Variants in PITPNC1 observed in about 807,000 individuals in gnomAD.
PITPNC1 encodes the protein cytoplasmic phosphatidylinositol transfer protein 1.
PITPNC1 carries 18 observed loss-of-function variants against 44.7 expected under a neutral mutation model. The observed-to-expected ratio is 0.40, with a 90% CI of 0.28 to 0.60. The LOEUF is 0.60. Ranked by LOEUF, PITPNC1 falls within the 20% of genes least tolerant of loss-of-function variation. The pLI is 0.39. For missense variants in PITPNC1, 290 were observed against 418.4 expected, an observed-to-expected ratio of 0.69 and a Z score of 2.68; for synonymous variants, 141 against 149.6, an observed-to-expected ratio of 0.94 and a Z score of 0.42.
At chr17:67,390,680 A>T (rs749356504) in intron 1 of PITPNC1, among the ~76,000 whole-genome samples, 12 of 152,294 alleles carry the variant, frequency 7.9e-5, no homozygotes, top group Non-Finnish European at 1.8e-4. Context: ...CTAGGATGGC[A>T]AAATCACACC....
intron 1 of PITPNC1, among the ~76,000 whole-genome samples, chr17:67,401,400 C>G (rs1216705937): frequency 6.6e-6 from 1 of 152,120 alleles, no homozygotes; most frequent in Non-Finnish European, 1.5e-5. Flanking sequence ...TTTGGTAATA[C>G]AACCTCTATG....
At chr17:67,572,978 C>G (rs1246174292) in intron 4 of PITPNC1, among the ~76,000 whole-genome samples, 2 of 152,206 alleles carry the variant, frequency 1.3e-5, no homozygotes. Flanking sequence ...GACAGATTCT[C>G]TCCCAGAGTC....
rs184238442 is a variant in PITPNC1, at chr17:67,387,121, C to A, written c.48+8919C>A. Among the ~76,000 whole-genome samples the A allele has an allele frequency of 2.1e-3, 321 of 152,336 alleles. 1 individual carries two copies. Among genetic ancestry groups the A allele is most frequent in the African/African-American group, 7.5e-3 (310 of 41,568 alleles). On this transcript the variant is annotated intron_variant, in intron 1 of 8. Coordinates refer to ENST00000581322, the MANE Select transcript of PITPNC1 (RefSeq NM_012417.4). ...ATTTACAAATAACATCCAAATCATT[C>A]AAACGAACAGCGTCGCAGGGCTGCA...
At chr17:67,413,725 C>A (rs571837677) in intron 1 of PITPNC1, among the ~76,000 whole-genome samples, 12 of 152,260 alleles carry the variant, frequency 7.9e-5, no homozygotes, top group African/African-American at 2.9e-4. Flanking sequence ...CTGGCTATGA[C>A]CTGGTTCCAG....
intron 2 of PITPNC1, among the ~76,000 whole-genome samples, chr17:67,535,057 G>A (rs796468411): frequency 3.7e-4 from 57 of 152,358 alleles, no homozygotes; most frequent in African/African-American, 1.4e-3. Flanking sequence ...GGCATGAGCT[G>A]ATTAAACTGA....
At chr17:67,518,627 G>C (rs559148298) in intron 1 of PITPNC1, among the ~76,000 whole-genome samples, 2 of 152,130 alleles carry the variant, frequency 1.3e-5, no homozygotes, top group East Asian at 1.9e-4. Context: ...ACACCTGTTA[G>C]GATGGTGGTT....
chr17:67,651,687 A>G (rs749764533), intron 6 of PITPNC1, among the ~76,000 whole-genome samples: 1 of 152,032 alleles, frequency 6.6e-6, no homozygotes, highest in Non-Finnish European at 1.5e-5. Flanking sequence ...TTTAGCTATC[A>G]TCTCCCTACC....
intron 1 of PITPNC1, among the ~76,000 whole-genome samples, chr17:67,459,123 T>C (rs1427160936): frequency 4.1e-5 from 6 of 145,722 alleles, no homozygotes; most frequent in Non-Finnish European, 9.1e-5. Flanking sequence ...CTTTTTTTTT[T>C]TTTTTTTTTT....
At chr17:67,641,822 T>G (rs1050271515) in intron 6 of PITPNC1, among the ~76,000 whole-genome samples, 1 of 147,368 alleles carries the variant, frequency 6.8e-6, no homozygotes, top group East Asian at 2.0e-4. Context: ...ATAATAATAA[T>G]AAGCGAGTGT....
rs192994864 is a variant in PITPNC1 at position 67,430,160 on chromosome 17, T to C, written c.48+51958T>C. Among the ~76,000 whole-genome samples the C allele has an allele frequency of 3.0e-3, 458 of 152,352 alleles. 1 individual carries two copies. Among genetic ancestry groups the C allele is most frequent in the South Asian group, 6.8e-3 (33 of 4,828 alleles). On this transcript the variant is annotated intron_variant, in intron 1 of 8. Coordinates refer to ENST00000581322, the MANE Select transcript of PITPNC1 (RefSeq NM_012417.4). ...TGAATGCGCAGGAGTTTATAGATGG[T>C]AACGTCTTTTCTCTGGATCATTAAT...
chr17:67,692,723 C>T lies in PITPNC1; in HGVS notation c.834C>T (p.Thr278=), dbSNP rs1301711408. 2 of 1,613,712 alleles carry T rather than the reference C, an allele frequency of 1.2e-6. No homozygotes were observed. Among genetic ancestry groups the T allele is most frequent in the African/African-American group, 2.7e-5 (2 of 74,864 alleles). ...GTGCGCCTTCTAGTGCTCCATCCAC[C>T]CCTCTCTCCACAGACGCACCCGAAT... ...VRSAPSSAPS[T]PLSTDAPEFL... The change falls in exon 9 of 9, where the codon ACC becomes ACT. Residue 278 remains threonine, a synonymous_variant. Transcript: ENST00000581322.
At chr17:67,501,257 G>A (rs2040025945) in intron 1 of PITPNC1, among the ~76,000 whole-genome samples, 2 of 151,972 alleles carry the variant, frequency 1.3e-5, no homozygotes, top group Non-Finnish European at 2.9e-5. Flanking sequence ...TATTCCTTTT[G>A]TGTTATCCTG....
intron 6 of PITPNC1, among the ~76,000 whole-genome samples, chr17:67,660,915 G>T (rs1195585230): frequency 6.7e-6 from 1 of 149,836 alleles, no homozygotes; most frequent in Non-Finnish European, 1.5e-5. Flanking sequence ...CTGGAGTGCA[G>T]TGATGCGATC....
chr17:67,617,369 A>G (rs1033845269), intron 5 of PITPNC1, among the ~76,000 whole-genome samples: 2 of 152,188 alleles, frequency 1.3e-5, no homozygotes, highest in African/African-American at 4.8e-5. Flanking sequence ...AGCCAGGCAT[A>G]GTGGTGCACA....
chr17:67,558,032 C>T (rs1025382538), intron 4 of PITPNC1, among the ~76,000 whole-genome samples: 2 of 152,130 alleles, frequency 1.3e-5, no homozygotes, highest in Non-Finnish European at 2.9e-5. Context: ...GTCCAGAGCA[C>T]GAGGATGTCT....
At chr17:67,527,419 A>C (rs190601253) in intron 1 of PITPNC1, among the ~76,000 whole-genome samples, 43 of 152,298 alleles carry the variant, frequency 2.8e-4, no homozygotes, top group African/African-American at 8.2e-4. Context: ...GAATGAACAT[A>C]GGCGGCCGGG....
intron 1 of PITPNC1, among the ~76,000 whole-genome samples, chr17:67,488,800 T>C (rs2039820822): frequency 6.6e-6 from 1 of 152,220 alleles, no homozygotes; most frequent in Non-Finnish European, 1.5e-5. Context: ...GTCCCTGAGT[T>C]TGACTACTCT....
At chr17:67,599,030 ATATATTTTT>A (rs1298340187) in intron 5 of PITPNC1, among the ~76,000 whole-genome samples, 95 of 30,140 alleles carry the variant, frequency 3.2e-3, no homozygotes, top group African/African-American at 0.014. Context: ...ATATATATAT[ATATATTTTT>A]TTTTTTTTTT....
intron 5 of PITPNC1, among the ~76,000 whole-genome samples, chr17:67,602,557 G>A (rs1035489097): frequency 2.6e-5 from 4 of 152,124 alleles, no homozygotes; most frequent in Admixed American, 2.6e-4. Flanking sequence ...TATAAAGTAG[G>A]GTAAAGTGGA....
Sources: allele counts gnomAD v4.1 joint callset (sites outside exome capture counted in the v4.1 genomes callset), GRCh38; gene constraint gnomAD v4.1.1; transcripts MANE v1.5; gene names NCBI Gene and HGNC (gene_info 2026-07-23, HGNC 2026-07-21).